Variants in UQCR11 observed in about 807,000 individuals in gnomAD.
UQCR11 encodes cytochrome b-c1 complex subunit 10.
UQCR11 carries 10 observed loss-of-function variants against 7.6 expected under a neutral mutation model. That is an observed-to-expected ratio of 1.31 (90% CI 0.81 to 2.22). The LOEUF is 2.22. UQCR11 is among the 30% of genes most tolerant of loss of function. UQCR11 has a pLI of 0.00. For synonymous variants in UQCR11, 34 were observed against 34.9 expected (o/e 0.97, Z 0.09); for missense variants, 86 against 75.1 (o/e 1.15, Z -0.54).
At chr19:1,598,562 T>A (rs2060738008) in intron 2 of UQCR11, among the ~76,000 whole-genome samples, 1 of 149,322 alleles carries the variant, frequency 6.7e-6, no homozygotes, top group Non-Finnish European at 1.5e-5. Flanking sequence ...AAAAAAAAAA[T>A]TAGCTGCGTG....
At chr19:1,604,410 T>A (rs1173293320) in intron 1 of UQCR11, among the ~76,000 whole-genome samples, 1 of 151,952 alleles carries the variant, frequency 6.6e-6, no homozygotes, top group Non-Finnish European at 1.5e-5. Context: ...GGGGTTTCAT[T>A]GTGTTGTCCA....
At position 1,598,543 on chromosome 19, in the gene UQCR11, TC is replaced by T. The variant is rs1274902032; in HGVS notation, c.*29-329del. On this transcript the variant is annotated intron_variant, in intron 2 of 2. Coordinates refer to ENST00000591899, the MANE Select transcript of UQCR11 (RefSeq NM_006830.4). ...TGGGCAACAAGAGCCAAACTCTGTCTCAAAAAAAAAAAAAAAAATTAGCTGC... is the reference window on the plus strand; with the variant it reads ...TGGGCAACAAGAGCCAAACTCTGTCTAAAAAAAAAAAAAAAAATTAGCTGC... 1.7e-4 allele frequency among the ~76,000 whole-genome samples: 24 copies of T among 139,420 alleles called. No homozygotes were observed. The East Asian group carries it at 4.7e-3, about 28-fold the overall frequency. The allele number at this position is 139,420 out of a possible 152,430, so 91.5% of individuals were successfully genotyped here.
intron 1 of UQCR11, among the ~76,000 whole-genome samples, chr19:1,599,780 G>C (rs1369174725): frequency 6.6e-6 from 1 of 152,382 alleles, no homozygotes; most frequent in East Asian, 1.9e-4. Flanking sequence ...GGGGCTGCTG[G>C]GGTGGGAGTG....
chr19:1,604,572 G>T (rs1276835529), intron 1 of UQCR11, among the ~76,000 whole-genome samples: 1 of 151,618 alleles, frequency 6.6e-6, no homozygotes, highest in Non-Finnish European at 1.5e-5. Flanking sequence ...CTGTCACCCA[G>T]GCTGGAGTGC....
At chr19:1,599,372 C>T in intron 2 of UQCR11, 40 bp downstream of exon 2, 1 of 1,599,358 alleles carries the variant, frequency 6.3e-7, no homozygotes, top group East Asian at 2.2e-5. Flanking sequence ...CACCATCCGG[C>T]CATCATGCAG....
chr19:1,599,920 A>G (rs2060742250), intron 1 of UQCR11, among the ~76,000 whole-genome samples: 1 of 152,278 alleles, frequency 6.6e-6, no homozygotes, highest in Admixed American at 6.5e-5. Flanking sequence ...GGACTCAGGC[A>G]GGTGCCGCCA....
chr19:1,601,446 A>T (rs1049986148), intron 1 of UQCR11, among the ~76,000 whole-genome samples: 1 of 150,052 alleles, frequency 6.7e-6, no homozygotes, highest in Non-Finnish European at 1.5e-5. Context: ...CTAAAAATAT[A>T]AAAAATTAGC....
intron 2 of UQCR11, 82 bp downstream of exon 2, chr19:1,599,330 G>T: frequency 6.5e-7 from 1 of 1,546,768 alleles, no homozygotes; most frequent in Non-Finnish European, 8.7e-7. Context: ...TGCCGCCCCG[G>T]CTCTGGGAGC....
intron 1 of UQCR11, among the ~76,000 whole-genome samples, chr19:1,603,210 C>A (rs1260708892): frequency 1.3e-5 from 2 of 152,206 alleles, no homozygotes; most frequent in Non-Finnish European, 2.9e-5. Context: ...CAGCCCCACA[C>A]CACAGGTCTC....
intron 1 of UQCR11, chr19:1,602,164 G>GA (rs888673486): frequency 8.1e-5 from 12 of 148,090 alleles, no homozygotes; most frequent in Non-Finnish European, 1.2e-4. Context: ...TGTCTCGGAA[G>GA]AAAAAAAAAA....
intron 1 of UQCR11, among the ~76,000 whole-genome samples, chr19:1,599,945 C>A (rs1290650923): frequency 3.9e-5 from 6 of 152,260 alleles, no homozygotes; most frequent in Non-Finnish European, 7.3e-5. Context: ...AGTCCCTGTT[C>A]CCAGGCGAGG....
intron 1 of UQCR11, chr19:1,601,901 C>T (rs976579358): frequency 6.6e-6 from 1 of 152,214 alleles, no homozygotes; most frequent in Non-Finnish European, 1.5e-5. Flanking sequence ...GCGGTTCACA[C>T]CTGTAATCCC....
At chr19:1,598,736 T>C (rs1251048591) in intron 2 of UQCR11, among the ~76,000 whole-genome samples, 4 of 152,270 alleles carry the variant, frequency 2.6e-5, no homozygotes, top group South Asian at 4.1e-4. Context: ...CCCTTCCATA[T>C]GAAGCTGGCT....
intron 1 of UQCR11, among the ~76,000 whole-genome samples, chr19:1,600,343 A>G (rs554990790): frequency 4.4e-4 from 66 of 151,450 alleles, no homozygotes; most frequent in African/African-American, 1.5e-3. Context: ...CCTCCCGAGT[A>G]GCTGGGACTA....
At chr19:1,599,335 G>A (rs945931232) in intron 2 of UQCR11, 77 bp downstream of exon 2, 7 of 1,551,792 alleles carry the variant, frequency 4.5e-6, no homozygotes, top group Non-Finnish European at 6.1e-6. Context: ...CCCCGGCTCT[G>A]GGAGCCTGGA....
chr19:1,603,754 T>A (rs2060753793), intron 1 of UQCR11, among the ~76,000 whole-genome samples: 1 of 152,138 alleles, frequency 6.6e-6, no homozygotes, highest in Non-Finnish European at 1.5e-5. Flanking sequence ...GGCCACTGGG[T>A]TCTCAGCTAG....
intron 1 of UQCR11, among the ~76,000 whole-genome samples, chr19:1,603,278 ATTGGCGCGTCCCTAACACATAG>A (rs2060752393): frequency 6.6e-6 from 1 of 152,174 alleles, no homozygotes; most frequent in Non-Finnish European, 1.5e-5. Flanking sequence ...GGTTCGGTCT[ATTGGCGCGTCCCTAACACATAG>A]TAGGTGCTCA....
rs1478103465 is a variant in UQCR11, at chr19:1,605,413, G to T, written c.-4C>A. 2 of 1,570,492 alleles carry T rather than the reference G, an allele frequency of 1.3e-6. No homozygotes were observed. The highest frequency in any genetic ancestry group is 1.7e-6 in the Non-Finnish European group (2 of 1,162,916). ...GGCCCAGGAACCGGGTCACCATCGC[G>T]GCGGAGTCGCACCCTCAGGATGACC... On this transcript the variant is annotated 5_prime_UTR_variant, in exon 1 of 3. Coordinates refer to ENST00000591899, the MANE Select transcript of UQCR11 (RefSeq NM_006830.4).
chr19:1,602,614 A>G (rs1168444465), intron 1 of UQCR11, among the ~76,000 whole-genome samples: 1 of 151,768 alleles, frequency 6.6e-6, no homozygotes, highest in Non-Finnish European at 1.5e-5. Context: ...ACCGCGCCCG[A>G]CTAATTTTTG....
Sources: gnomAD v4.1 joint callset for allele counts (sites outside exome capture counted in the v4.1 genomes callset) on GRCh38, gnomAD v4.1.1 for gene constraint, MANE v1.5 for transcripts, NCBI Gene and HGNC (gene_info 2026-07-23, HGNC 2026-07-21) for gene names.